The following CACNA1B variants were observed in gnomAD, a reference collection of about 807,000 sequenced individuals.
The protein encoded by CACNA1B is calcium voltage-gated channel subunit alpha1 B, also known as voltage-dependent N-type calcium channel subunit alpha-1B.
CACNA1B carries 70 observed loss-of-function variants against 247.2 expected under a neutral mutation model. The ratio of observed to expected loss-of-function variants is 0.28; its 90% confidence interval spans 0.23 to 0.35. The LOEUF (loss-of-function observed/expected upper bound fraction) is 0.35, where lower values mean the gene tolerates loss of function less well. Ranked by LOEUF, CACNA1B falls within the 10% of genes least tolerant of loss-of-function variation. The pLI is 1.00. For synonymous variants in CACNA1B, 1,231 were observed against 1,294.4 expected (o/e 0.95, Z 1.05); for missense variants, 2,367 against 3,197.4 (o/e 0.74, Z 6.26).
chr9:138,065,667 G>A (rs1959889793), intron 31 of CACNA1B, among the ~76,000 whole-genome samples: 1 of 152,128 alleles, frequency 6.6e-6, no homozygotes, highest in African/African-American at 2.4e-5. Flanking sequence ...AGCACAATCC[G>A]AAACACAGAC....
intron 18 of CACNA1B, chr9:138,017,196 C>T (rs1427632366): frequency 3.9e-6 from 2 of 519,092 alleles, no homozygotes; most frequent in South Asian, 1.4e-5. Flanking sequence ...CCAGCGTGAA[C>T]TCACCGTGAG....
Position 137,986,569 on chromosome 9 carries a change from T to C in CACNA1B, c.1901+25T>C. ...AGTAAGTGGGCCCGGGAGGGAGAGC[T>C]CAAGGCTGGGGGCTTGCAGGGAAGC... On this transcript the variant is annotated intron_variant, in intron 14 of 46. Transcript: ENST00000371372. This position sits in a 1 kb window ranked among gnomAD's most constrained non-coding sequence, Gnocchi z 6.0. The C allele has an allele frequency of 6.2e-7, 1 of 1,613,134 alleles. No individual in the cohort carries two copies. The highest frequency in any genetic ancestry group is 8.5e-7 in the Non-Finnish European group (1 of 1,179,442).
At chr9:137,947,026 A>G (rs766195054) in intron 6 of CACNA1B, among the ~76,000 whole-genome samples, 1 of 152,162 alleles carries the variant, frequency 6.6e-6, no homozygotes. Flanking sequence ...AGTGGGCTCA[A>G]ACAAGTTGCT....
At chr9:137,904,541 T>A (rs192997218) in intron 3 of CACNA1B, among the ~76,000 whole-genome samples, 1,968 of 149,926 alleles carry the variant, frequency 0.013, 45 homozygotes, top group African/African-American at 0.042. Context: ...ATTAAAAAAA[T>A]TTTTTTTTTG....
intron 3 of CACNA1B, among the ~76,000 whole-genome samples, chr9:137,912,238 C>T (rs1019426810): frequency 9.2e-5 from 14 of 152,168 alleles, no homozygotes; most frequent in African/African-American, 2.9e-4. Context: ...GTAGCTCCTA[C>T]ATGGAATGAG....
Position 137,986,921 on chromosome 9 carries a change from G to C in CACNA1B, c.1974+67G>C. 1 of 1,145,174 alleles carries C rather than the reference G, an allele frequency of 8.7e-7. No homozygotes were observed. The highest frequency in any genetic ancestry group is 2.3e-5 in the East Asian group (1 of 42,646). The allele number at this position is 1,145,174 out of a possible 1,614,324, so 70.9% of individuals were successfully genotyped here. A position where few individuals can be genotyped will look rare whatever the true frequency, so the allele number is the denominator to read the frequency against. ...CGTCTCCCCTGGGTGCTGGGAAGGC[G>C]GACTCTCCTGTCATTCCCTCCCTTG... is the stretch of plus-strand genomic sequence containing the variant. On this transcript the variant is annotated intron_variant, in intron 15 of 46. Transcript: ENST00000371372. This position sits in a 1 kb window ranked among gnomAD's most constrained non-coding sequence, Gnocchi z 6.0.
At position 138,023,650 on chromosome 9, in the gene CACNA1B, G is replaced by A. The variant is rs1272414548; in HGVS notation, c.2907G>A (p.Ala969=). 2.8e-6 allele frequency: 4 copies of A among 1,437,998 alleles called. No individual in the cohort carries two copies. The highest frequency in any genetic ancestry group is 1.4e-5 in the South Asian group (1 of 71,300). 89.1% of individuals were successfully genotyped at this position (1,437,998 alleles called of 1,614,324 possible). A position where few individuals can be genotyped will look rare whatever the true frequency, so the allele number is the denominator to read the frequency against. ...GCCCCCGAGCGGGGCCCCGGGAGGC[G>A]GAGAGCGGGGAGGAGCCGGCGCGGC... ...RGGPRAGPRE[A]ESGEEPARRH... The change falls in exon 19 of 47, where the codon GCG becomes GCA. Residue 969 remains alanine (A), a synonymous_variant. Coordinates refer to ENST00000371372, the MANE Select transcript of CACNA1B (RefSeq NM_000718.4).
chr9:137,892,687 G>C (rs1490323543), intron 3 of CACNA1B: 1 of 320,904 alleles, frequency 3.1e-6, no homozygotes, highest in Non-Finnish European at 6.1e-6. Context: ...GTCCAAGGGT[G>C]GGGGCTCCTG....
intron 12 of CACNA1B, among the ~76,000 whole-genome samples, chr9:137,978,706 T>C (rs1008557454): frequency 3.6e-5 from 5 of 137,136 alleles, no homozygotes; most frequent in Non-Finnish European, 6.0e-5. Flanking sequence ...TAGACATTTG[T>C]GTCTGTGATT....
At position 138,050,099 on chromosome 9, in the gene CACNA1B, C is replaced by G. The variant is rs1156901709; in HGVS notation, c.3710+784C>G. On this transcript the variant is annotated intron_variant, in intron 24 of 46. Transcript: ENST00000371372. The surrounding 1 kb of genome is among the most constrained non-coding windows in gnomAD (Gnocchi z 5.2). Reference sequence around the variant, plus strand: ...GGAGCTTCGTGGGGTAATGCCTTCTCTCCCCCACACGCTGCCCCTGACATC... The same window carrying G: ...GGAGCTTCGTGGGGTAATGCCTTCTGTCCCCCACACGCTGCCCCTGACATC... 3 of 1,288,438 alleles carry G rather than the reference C, an allele frequency of 2.3e-6. No individual in the cohort carries two copies. Among genetic ancestry groups the G allele is most frequent in the Admixed American group, 2.3e-5 (1 of 43,548 alleles). The allele number at this position is 1,288,438 out of a possible 1,614,324, so 79.8% of individuals were successfully genotyped here. A position where few individuals can be genotyped will look rare whatever the true frequency, so the allele number is the denominator to read the frequency against.
intron 39 of CACNA1B, among the ~76,000 whole-genome samples, chr9:138,109,851 A>G (rs1390352522): frequency 6.6e-6 from 1 of 152,164 alleles, no homozygotes; most frequent in Non-Finnish European, 1.5e-5. Flanking sequence ...CAGGCGGATT[A>G]CCTGAGGTCA....
At chr9:137,975,168 C>T (rs1324347637) in intron 11 of CACNA1B, among the ~76,000 whole-genome samples, 1 of 152,126 alleles carries the variant, frequency 6.6e-6, no homozygotes, top group Non-Finnish European at 1.5e-5. Flanking sequence ...AGCATGGCCT[C>T]CCTCAGTACT....
In CACNA1B at chr9:138,002,359, T is replaced by A. The variant is rs1958587625; in HGVS notation, c.1975-4408T>A. On this transcript the variant is annotated intron_variant, in intron 15 of 46. Transcript: ENST00000371372. Reference sequence around the variant, plus strand: ...TCTCCATGCATGCACAAAACTTCAGTTGGATTAGAAACCTAAATGTAAAAA... The same window carrying A: ...TCTCCATGCATGCACAAAACTTCAGATGGATTAGAAACCTAAATGTAAAAA... 2.0e-5 allele frequency among the ~76,000 whole-genome samples: 3 copies of A among 152,144 alleles called. No homozygotes were observed. In the South Asian group the frequency reaches 6.2e-4, roughly 32 times the overall value.
intron 15 of CACNA1B, among the ~76,000 whole-genome samples, chr9:137,998,636 G>A (rs1258365883): frequency 2.0e-5 from 3 of 152,120 alleles, no homozygotes; most frequent in Non-Finnish European, 4.4e-5. Flanking sequence ...CCAAAATAGA[G>A]GTGAAGGTAA....
At chr9:137,959,407 G>A (rs1179816197) in intron 10 of CACNA1B, among the ~76,000 whole-genome samples, 1 of 152,186 alleles carries the variant, frequency 6.6e-6, no homozygotes, top group Non-Finnish European at 1.5e-5. Flanking sequence ...TTATATGATT[G>A]TGGTAGCTAA....
Position 138,088,959 on chromosome 9 carries a change from C to CAAAA in CACNA1B, c.5095-7493_5095-7490dup, listed in dbSNP as rs56112600. Among the ~76,000 whole-genome samples, 272 of 61,334 alleles carry CAAAA rather than the reference C, an allele frequency of 4.4e-3. 4 individuals are homozygous for CAAAA. Among genetic ancestry groups the CAAAA allele is most frequent in the Non-Finnish European group, 5.9e-3 (172 of 29,206 alleles). The allele number at this position is 61,334 out of a possible 152,430, so 40.2% of individuals were successfully genotyped here. A position where few individuals can be genotyped will look rare whatever the true frequency, so the allele number is the denominator to read the frequency against. Reference sequence around the variant, plus strand: ...GGACAACAAGAGCAAAACTCCGTCTCAAAAAAAAAAAAAAAAAAAAAAAAA... The same window carrying CAAAA: ...GGACAACAAGAGCAAAACTCCGTCTCAAAAAAAAAAAAAAAAAAAAAAAAAAAAA... On this transcript the variant is annotated intron_variant, in intron 36 of 46. Coordinates refer to ENST00000371372, the MANE Select transcript of CACNA1B (RefSeq NM_000718.4).
intron 36 of CACNA1B, among the ~76,000 whole-genome samples, chr9:138,084,158 G>A (rs1458204858): frequency 2.0e-5 from 3 of 150,992 alleles, no homozygotes; most frequent in South Asian, 2.1e-4. Flanking sequence ...TGTGGGCAAC[G>A]TACACCCAAC....
At chr9:137,897,151 C>T (rs1302914118) in intron 3 of CACNA1B, among the ~76,000 whole-genome samples, 2 of 151,796 alleles carry the variant, frequency 1.3e-5, no homozygotes, top group Admixed American at 6.6e-5. Flanking sequence ...TTATTTCTGC[C>T]CTTATTTTAT....
At chr9:138,112,873 G>T (rs1961694319) in intron 40 of CACNA1B, among the ~76,000 whole-genome samples, 1 of 151,460 alleles carries the variant, frequency 6.6e-6, no homozygotes, top group Non-Finnish European at 1.5e-5. Context: ...TGAGAGACGT[G>T]AGGGAGCGTG....
Sources: gnomAD v4.1 joint callset for allele counts (sites outside exome capture counted in the v4.1 genomes callset) on GRCh38, gnomAD v4.1.1 for gene constraint, Gnocchi (gnomAD v3.1) non-coding constraint, MANE v1.5 for transcripts, NCBI Gene and HGNC (gene_info 2026-07-23, HGNC 2026-07-21) for gene names.